Variants in SYNJ2BP observed in about 807,000 individuals in gnomAD.
SYNJ2BP encodes the protein synaptojanin 2 binding protein, also known as synaptojanin-2-binding protein.
Under a neutral mutation model 16.9 loss-of-function variants are expected in SYNJ2BP, and 10 were observed. The ratio of observed to expected loss-of-function variants is 0.59; its 90% CI spans 0.36 to 1.00. The LOEUF (loss-of-function observed/expected upper bound fraction) is 1.00, where lower values mean the gene tolerates loss of function less well. SYNJ2BP is among the 50% of genes least tolerant of loss of function. SYNJ2BP has a pLI of 0.01. For synonymous variants in SYNJ2BP, 54 were observed against 68.4 expected (o/e 0.79, Z 1.04); for missense variants, 162 against 186.7 (o/e 0.87, Z 0.77).
chr14:70,403,100 C>T (rs1888274944), intron 1 of SYNJ2BP, among the ~76,000 whole-genome samples: 1 of 152,114 alleles, frequency 6.6e-6, no homozygotes, highest in Non-Finnish European at 1.5e-5. Flanking sequence ...TCAATTTTCA[C>T]CTAAGAGTAA....
chr14:70,378,709 C>T (rs1376039901), intron 2 of SYNJ2BP, among the ~76,000 whole-genome samples: 2 of 152,132 alleles, frequency 1.3e-5, no homozygotes, highest in Admixed American at 6.6e-5. Flanking sequence ...ATTTTCTTTC[C>T]TATTGCCTAT....
At chr14:70,390,071 A>G (rs1410963574) in intron 1 of SYNJ2BP, among the ~76,000 whole-genome samples, 1 of 152,190 alleles carries the variant, frequency 6.6e-6, no homozygotes, top group Admixed American at 6.5e-5. Context: ...AGAAAGAAAA[A>G]AGAGAAGGAA....
At chr14:70,415,173 T>A (rs1417969693) in intron 1 of SYNJ2BP, among the ~76,000 whole-genome samples, 5 of 136,996 alleles carry the variant, frequency 3.6e-5, no homozygotes, top group African/African-American at 1.5e-4. Context: ...ACCTCGTCTC[T>A]AAAAAAAAAA....
intron 2 of SYNJ2BP, among the ~76,000 whole-genome samples, chr14:70,376,554 A>G (rs1207601640): frequency 2.0e-5 from 3 of 152,252 alleles, no homozygotes; most frequent in Admixed American, 6.5e-5. Flanking sequence ...GCAAGATTAC[A>G]TATCTTTTAT....
chr14:70,380,205 C>T (rs1887716502), intron 2 of SYNJ2BP, among the ~76,000 whole-genome samples: 1 of 152,194 alleles, frequency 6.6e-6, no homozygotes. Context: ...CTCAAGCAGG[C>T]TGGCCCAAAA....
rs926214408 is a variant in SYNJ2BP at position 70,384,865 on chromosome 14, T to C, written c.201+3605A>G. Among the ~76,000 whole-genome samples the C allele has an allele frequency of 2.5e-4, 38 of 152,296 alleles. 1 individual carries two copies. The highest frequency in any genetic ancestry group is 1.6e-3 in the Admixed American group (25 of 15,302). On this transcript the variant is annotated intron_variant, in intron 2 of 3. Transcript: ENST00000256366. ...AACTGTGAGTCAGTTAAACCTCTTTTCTTTATAAATTACCCAGTCTCACGT... is the reference window on the plus strand; with the variant it reads ...AACTGTGAGTCAGTTAAACCTCTTTCCTTTATAAATTACCCAGTCTCACGT...
chr14:70,380,407 C>T (rs8022288), intron 2 of SYNJ2BP, among the ~76,000 whole-genome samples: 132,663 of 152,106 alleles, frequency 0.87, 57,908 homozygotes, highest in East Asian at 0.93. Flanking sequence ...CTCACACCTG[C>T]AATCCCAACA....
chr14:70,396,288 T>C (rs1888092450), intron 1 of SYNJ2BP, among the ~76,000 whole-genome samples: 1 of 152,156 alleles, frequency 6.6e-6, no homozygotes, highest in African/African-American at 2.4e-5. Flanking sequence ...TGGCTAATTT[T>C]TGGTATTTTT....
Position 70,371,460 on chromosome 14 carries a change from T to G in SYNJ2BP, c.*1531A>C, listed in dbSNP as rs1887516799. On this transcript the variant is annotated 3_prime_UTR_variant, in exon 4 of 4. Transcript: ENST00000256366. ...TGGAGTCTTGCTCTGTAGCCCAGGC[T>G]GGAGTGCAGTGGCGTGATCTTGGCT... 2.0e-5 allele frequency: 3 copies of G among 152,580 alleles called. No individual in the cohort carries two copies. Among genetic ancestry groups the G allele is most frequent in the Admixed American group, 2.0e-4 (3 of 15,288 alleles). The allele number at this position is 152,580 out of a possible 1,614,324, so 9.5% of individuals were successfully genotyped here. A position where few individuals can be genotyped will look rare whatever the true frequency, so the allele number is the denominator to read the frequency against.
intron 1 of SYNJ2BP, among the ~76,000 whole-genome samples, chr14:70,415,791 TG>T (rs1211378717): frequency 6.6e-6 from 1 of 152,174 alleles, no homozygotes; most frequent in East Asian, 1.9e-4. Flanking sequence ...TAGAGACTCT[TG>T]GAATACAGTA....
chr14:70,396,570 A>ATGTG (rs1888100445), intron 1 of SYNJ2BP, among the ~76,000 whole-genome samples: 2 of 139,320 alleles, frequency 1.4e-5, no homozygotes, highest in Non-Finnish European at 3.1e-5. Context: ...CCCCAATGAT[A>ATGTG]TGTGTGTATG....
intron 2 of SYNJ2BP, among the ~76,000 whole-genome samples, chr14:70,383,880 A>G (rs1416259920): frequency 1.3e-5 from 2 of 152,184 alleles, no homozygotes; most frequent in Non-Finnish European, 2.9e-5. Flanking sequence ...TTATTTAAGA[A>G]AATTTTTCTT....
chr14:70,375,610 T>C (rs1887613042), intron 3 of SYNJ2BP, 66 bp downstream of exon 3: 3 of 1,556,048 alleles, frequency 1.9e-6, no homozygotes, highest in African/African-American at 1.4e-5. Flanking sequence ...ATTACACACA[T>C]TGGGCTTATT....
intron 1 of SYNJ2BP, among the ~76,000 whole-genome samples, chr14:70,415,076 T>G (rs899060079): frequency 1.3e-5 from 2 of 151,940 alleles, no homozygotes; most frequent in Non-Finnish European, 2.9e-5. Flanking sequence ...TGATGGCTCA[T>G]GACTGTAATC....
At chr14:70,401,388 G>A (rs114736700) in intron 1 of SYNJ2BP, among the ~76,000 whole-genome samples, 1 of 151,998 alleles carries the variant, frequency 6.6e-6, no homozygotes, top group Admixed American at 6.6e-5. Context: ...TTCAGGCCAG[G>A]AGTTTGAGAC....
At chr14:70,374,506 T>C (rs1887582584) in intron 3 of SYNJ2BP, among the ~76,000 whole-genome samples, 1 of 152,256 alleles carries the variant, frequency 6.6e-6, no homozygotes, top group Non-Finnish European at 1.5e-5. Flanking sequence ...GAACCTGTTT[T>C]GTGAATATGC....
intron 2 of SYNJ2BP, among the ~76,000 whole-genome samples, chr14:70,377,085 T>C (rs1197778373): frequency 6.6e-6 from 1 of 152,254 alleles, no homozygotes; most frequent in East Asian, 1.9e-4. Context: ...ACTTCAATAT[T>C]AGACATGCTT....
intron 2 of SYNJ2BP, among the ~76,000 whole-genome samples, chr14:70,382,222 G>A (rs1408552320): frequency 1.3e-5 from 2 of 151,976 alleles, no homozygotes; most frequent in East Asian, 3.9e-4. Flanking sequence ...GGTGACAGAG[G>A]GAGACTCTGT....
intron 1 of SYNJ2BP, among the ~76,000 whole-genome samples, chr14:70,413,307 GT>G (rs1888529129): frequency 6.6e-6 from 1 of 152,220 alleles, no homozygotes; most frequent in Non-Finnish European, 1.5e-5. Flanking sequence ...ATGCTATTAG[GT>G]TGGTGCAAAA....
Sources: gnomAD v4.1 joint callset for allele counts (sites outside exome capture counted in the v4.1 genomes callset) on GRCh38, gnomAD v4.1.1 for gene constraint, MANE v1.5 for transcripts, NCBI Gene and HGNC (gene_info 2026-07-23, HGNC 2026-07-21) for gene names.